ME1: variants seen among roughly 807,000 people sequenced by gnomAD.
ME1 encodes the protein NADP-dependent malic enzyme.
ME1 carries 74 observed loss-of-function variants against 66.4 expected under a neutral mutation model. The observed-to-expected ratio is 1.11, with a 90% CI of 0.92 to 1.35. ME1 has a LOEUF of 1.35. Ranked by LOEUF, ME1 falls within the 40% of genes most tolerant of loss-of-function variation. The pLI, the probability that ME1 is intolerant of heterozygous loss-of-function variation, is 0.00. For synonymous variants in ME1, 251 were observed against 235.6 expected, an observed-to-expected ratio of 1.07 and a Z score of -0.60; for missense variants, 750 against 694.1, an observed-to-expected ratio of 1.08 and a Z score of -0.90.
At chr6:83,430,786 A>G in intron 1 of ME1, 91 bp downstream of exon 1, 3 of 1,145,138 alleles carry the variant, frequency 2.6e-6, no homozygotes, top group Non-Finnish European at 3.8e-6. Flanking sequence ...GGAGCGGCGG[A>G]GGGGCGAGGC....
At chr6:83,340,557 C>T (rs1315398772) in intron 5 of ME1, among the ~76,000 whole-genome samples, 1 of 152,152 alleles carries the variant, frequency 6.6e-6, no homozygotes, top group Admixed American at 6.5e-5. Flanking sequence ...TGTATTAAAC[C>T]ATGACACCTC....
At chr6:83,331,831 T>C (rs1768417328) in intron 5 of ME1, among the ~76,000 whole-genome samples, 1 of 152,036 alleles carries the variant, frequency 6.6e-6, no homozygotes, top group South Asian at 2.1e-4. Context: ...GAATATCCCA[T>C]ATAACGTATG....
chr6:83,292,826 C>A (rs773347125), intron 6 of ME1, among the ~76,000 whole-genome samples: 4 of 152,140 alleles, frequency 2.6e-5, no homozygotes, highest in Non-Finnish European at 2.9e-5. Flanking sequence ...GAGCATAGAA[C>A]CGCCTACTCA....
intron 9 of ME1, 146 bp downstream of exon 9, chr6:83,237,571 T>C: frequency 2.1e-6 from 1 of 473,306 alleles, no homozygotes; most frequent in Non-Finnish European, 3.7e-6. Flanking sequence ...AGAGTATCAG[T>C]ATTCTGTATG....
Position 83,327,664 on chromosome 6 carries a change from C to T in ME1, c.601-12251G>A, listed in dbSNP as rs368777027. ...GAAACTTCATTAGCAATTTTAATTT[C>T]GCCTCGGTCCTGTGGTCCTGTGATC... is the stretch of plus-strand genomic sequence containing the variant. On this transcript the variant is annotated intron_variant, in intron 5 of 13. Transcript: ENST00000369705. 2.6e-4 allele frequency among the ~76,000 whole-genome samples: 40 copies of T among 152,262 alleles called. No individual in the cohort carries two copies. In the East Asian group the frequency reaches 3.9e-3, roughly 15 times the overall value.
chr6:83,275,623 C>T (rs1028906079), intron 6 of ME1, among the ~76,000 whole-genome samples: 1 of 148,894 alleles, frequency 6.7e-6, no homozygotes, highest in African/African-American at 2.5e-5. Context: ...CGCCACCACG[C>T]CTGGCTAATT....
At chr6:83,396,239 C>T (rs1291020271) in intron 3 of ME1, among the ~76,000 whole-genome samples, 1 of 152,026 alleles carries the variant, frequency 6.6e-6, no homozygotes, top group Non-Finnish European at 1.5e-5. Flanking sequence ...TGGTGCGCAC[C>T]TGTAATCCCA....
At chr6:83,264,253 C>T (rs1455413818) in intron 6 of ME1, among the ~76,000 whole-genome samples, 2 of 152,152 alleles carry the variant, frequency 1.3e-5, no homozygotes, top group African/African-American at 2.4e-5. Context: ...GCTAATGAGA[C>T]CTACTGCTCA....
chr6:83,393,113 T>C, intron 3 of ME1: 2 of 1,438,968 alleles, frequency 1.4e-6, no homozygotes, highest in East Asian at 2.3e-5. Context: ...GTGTCCCCAC[T>C]GCCAACATGT....
intron 1 of ME1, among the ~76,000 whole-genome samples, chr6:83,425,538 T>C (rs974401798): frequency 6.6e-6 from 1 of 152,058 alleles, no homozygotes; most frequent in African/African-American, 2.4e-5. Context: ...AAGCCCCTTA[T>C]AAAACCATCA....
chr6:83,279,972 T>A (rs1471167874), intron 6 of ME1, among the ~76,000 whole-genome samples: 1 of 152,178 alleles, frequency 6.6e-6, no homozygotes, highest in Non-Finnish European at 1.5e-5. Flanking sequence ...GGGTTAAATA[T>A]TTCAAGTTTT....
intron 6 of ME1, among the ~76,000 whole-genome samples, chr6:83,302,961 G>A (rs537933502): frequency 2.6e-5 from 4 of 152,152 alleles, no homozygotes; most frequent in Admixed American, 6.6e-5. Flanking sequence ...AGAAGTTACC[G>A]AGATGGTGTA....
Position 83,253,710 on chromosome 6 carries a change from CA to C in ME1, c.732del (p.Phe244LeufsTer7), listed in dbSNP as rs777306861. ...AATGCATTCACATTGGCAAAATCTT[CA>C]AACTGAATAAGGCAATTCATGCCAT... is the stretch of plus-strand genomic sequence containing the variant. ...SKYGMNCLIQ[F>X]EDFANVNAFR... On this transcript the variant is annotated frameshift_variant, in exon 7 of 14. Coordinates refer to ENST00000369705, the MANE Select transcript of ME1 (RefSeq NM_002395.6). LOFTEE classifies it high-confidence loss of function. 5 of 1,608,332 alleles carry C rather than the reference CA, an allele frequency of 3.1e-6. No individual in the cohort carries two copies. The highest frequency in any genetic ancestry group is 4.3e-6 in the Non-Finnish European group (5 of 1,175,424).
chr6:83,254,062 A>T (rs569209249), intron 6 of ME1, among the ~76,000 whole-genome samples: 4 of 152,320 alleles, frequency 2.6e-5, no homozygotes, highest in Non-Finnish European at 4.4e-5. Flanking sequence ...AAGGAATGAT[A>T]GGTGTTCCGA....
At chr6:83,308,227 T>C (rs1447323575) in intron 6 of ME1, among the ~76,000 whole-genome samples, 1 of 152,112 alleles carries the variant, frequency 6.6e-6, no homozygotes, top group Admixed American at 6.6e-5. Context: ...TCCTAGTGCT[T>C]CCCAATAACT....
chr6:83,334,158 C>T (rs1274919941), intron 5 of ME1, among the ~76,000 whole-genome samples: 4 of 151,842 alleles, frequency 2.6e-5, no homozygotes, highest in Admixed American at 1.3e-4. Context: ...ACCTGGGAAG[C>T]GCAAGGGGTC....
intron 8 of ME1, among the ~76,000 whole-genome samples, chr6:83,238,380 A>G (rs1790452036): frequency 6.6e-6 from 1 of 152,144 alleles, no homozygotes; most frequent in South Asian, 2.1e-4. Context: ...TATCTGTGAA[A>G]TTTCCAATAT....
chr6:83,219,740 A>ATTTTTTTT (rs11324255), intron 12 of ME1, among the ~76,000 whole-genome samples: 1 of 133,210 alleles, frequency 7.5e-6, no homozygotes, highest in African/African-American at 2.8e-5. Context: ...TGCCCAACTA[A>ATTTTTTTT]TTTTTTTTTT....
intron 3 of ME1, among the ~76,000 whole-genome samples, chr6:83,397,889 A>T (rs1441744188): frequency 6.6e-6 from 1 of 152,202 alleles, no homozygotes; most frequent in Non-Finnish European, 1.5e-5. Flanking sequence ...AGAAAGACAA[A>T]TACCACATGA....
Sources: allele counts gnomAD v4.1 joint callset (sites outside exome capture counted in the v4.1 genomes callset), GRCh38; gene constraint gnomAD v4.1.1; transcripts MANE v1.5; gene names NCBI Gene and HGNC (gene_info 2026-07-23, HGNC 2026-07-21).